The following ALDH9A1 variants were observed in gnomAD, a reference collection of about 807,000 sequenced individuals.
ALDH9A1 encodes aldehyde dehydrogenase 9 family member A1.
In ALDH9A1, 42 loss-of-function variants were observed where a neutral mutation model predicts 56.6. That is an observed-to-expected ratio of 0.74 (90% CI 0.58 to 0.96). The LOEUF (loss-of-function observed/expected upper bound fraction) is 0.96. Ranked by LOEUF, ALDH9A1 falls within the 40% of genes least tolerant of loss-of-function variation. ALDH9A1 has a pLI of 0.00. For missense variants in ALDH9A1, 661 were observed against 651.5 expected (o/e 1.01, Z -0.16); for synonymous variants, 242 against 236.0 (o/e 1.03, Z -0.23).
At chr1:165,688,058 T>A (rs946245034) in intron 2 of ALDH9A1, among the ~76,000 whole-genome samples, 1 of 151,832 alleles carries the variant, frequency 6.6e-6, no homozygotes, top group Non-Finnish European at 1.5e-5. Flanking sequence ...GGCACACACG[T>A]ACAGTCCCAG....
chr1:165,688,866 G>A (rs1264396354), intron 2 of ALDH9A1, among the ~76,000 whole-genome samples: 1 of 152,150 alleles, frequency 6.6e-6, no homozygotes, highest in East Asian at 1.9e-4. Context: ...TCAGACAAGT[G>A]TTTTTGATTA....
intron 3 of ALDH9A1, 65 bp from the exon 4 acceptor site, chr1:165,682,306 G>C: frequency 6.4e-7 from 1 of 1,555,452 alleles, no homozygotes; most frequent in Non-Finnish European, 8.8e-7. Context: ...ACCAACATCT[G>C]TACCAGTCTG....
At chr1:165,675,000 C>T (rs7525102) in intron 6 of ALDH9A1, among the ~76,000 whole-genome samples, 61,141 of 151,930 alleles carry the variant, frequency 0.4, 12,658 homozygotes, top group Middle Eastern at 0.5. Flanking sequence ...CAAGACCAGC[C>T]TGGCCAACAT....
chr1:165,670,932 G>C (rs897499516), intron 6 of ALDH9A1, among the ~76,000 whole-genome samples: 2 of 146,912 alleles, frequency 1.4e-5, no homozygotes, highest in African/African-American at 5.0e-5. Context: ...AATTGGCTGG[G>C]TGTGGTGGTG....
At chr1:165,683,960 T>A (rs997970379) in intron 2 of ALDH9A1, among the ~76,000 whole-genome samples, 3 of 152,148 alleles carry the variant, frequency 2.0e-5, no homozygotes, top group Non-Finnish European at 4.4e-5. Context: ...AGAACATACA[T>A]AAAAGATTAA....
Position 165,662,866 on chromosome 1 carries a change from G to A in ALDH9A1, c.*184C>T. On this transcript the variant is annotated 3_prime_UTR_variant, in exon 11 of 11. Transcript: ENST00000354775. ...AGCTTTCTTGATTAGTATCTACAAG[G>A]CACTTAATGCACATTTTCAGTGAGG... 1 of 594,440 alleles carries A rather than the reference G, an allele frequency of 1.7e-6. No individual in the cohort carries two copies. Among genetic ancestry groups the A allele is most frequent in the Non-Finnish European group, 3.0e-6 (1 of 331,464 alleles). The allele number at this position is 594,440 out of a possible 1,614,324, so 36.8% of individuals were successfully genotyped here.
Position 165,663,160 on chromosome 1 carries a change from G to A in ALDH9A1, c.1463-16C>T, listed in dbSNP as rs1382388575. 6.2e-7 allele frequency: 1 copy of A among 1,607,328 alleles called. No homozygotes were observed. On this transcript the variant is annotated splice_polypyrimidine_tract_variant and intron_variant, in intron 10 of 10. Coordinates refer to ENST00000354775, the MANE Select transcript of ALDH9A1 (RefSeq NM_000696.4). The stretch of plus-strand genomic sequence containing the variant: ...CTGCCAAATCCTGAAAGGAGGAGAA[G>A]GGGTCAGGTTGAGCCATCACTACAA...
intron 2 of ALDH9A1, among the ~76,000 whole-genome samples, chr1:165,688,896 C>T (rs1649796356): frequency 6.6e-6 from 1 of 152,046 alleles, no homozygotes; most frequent in Admixed American, 6.6e-5. Context: ...TAATAATAAG[C>T]AGTGGGTTTT....
intron 2 of ALDH9A1, among the ~76,000 whole-genome samples, chr1:165,693,263 T>A (rs1649953532): frequency 6.6e-6 from 1 of 152,080 alleles, no homozygotes; most frequent in Non-Finnish European, 1.5e-5. Context: ...GAAACTACCA[T>A]CAGAGTGAAC....
intron 1 of ALDH9A1, among the ~76,000 whole-genome samples, chr1:165,696,457 A>T (rs1049402315): frequency 1.6e-4 from 24 of 152,208 alleles, no homozygotes; most frequent in African/African-American, 5.8e-4. Context: ...TCTGACTGTA[A>T]ATCCCTTGTC....
chr1:165,667,369 G>T lies in ALDH9A1; in HGVS notation c.1289C>A (p.Ala430Asp), dbSNP rs1267277684. The T allele has an allele frequency of 2.5e-6, 4 of 1,614,100 alleles. 1 individual carries two copies. In the South Asian group the frequency reaches 3.3e-5, roughly 13 times the overall value. The change falls in exon 9 of 11, where the codon GCT becomes GAT. Residue 430 changes from alanine to aspartate, a missense_variant. Transcript: ENST00000354775. ...ATCATTGGCTCTTTCTAGAACCTCA[G>T]CTTCAGTGTCAAATGATAAAATGGA... ...VMSILSFDTE[A>D]EVLERANDTT...
At chr1:165,668,062 A>G (rs1649060842) in intron 8 of ALDH9A1, among the ~76,000 whole-genome samples, 1 of 152,224 alleles carries the variant, frequency 6.6e-6, no homozygotes, top group African/African-American at 2.4e-5. Flanking sequence ...TAGGATGCCC[A>G]TATACACCTT....
In ALDH9A1 at chr1:165,682,258, A is replaced by G; in HGVS notation, c.458-17T>C. The G allele has an allele frequency of 6.2e-7, 1 of 1,611,922 alleles. No individual in the cohort carries two copies. The highest frequency in any genetic ancestry group is 1.1e-5 in the South Asian group (1 of 90,958). ...TGTGTTCACCTATGGGGAAAACAGG[A>G]GTAAAGGAGGATGCAGGTCTGTGCT... On this transcript the variant is annotated splice_polypyrimidine_tract_variant and intron_variant, in intron 3 of 10. Coordinates refer to ENST00000354775, the MANE Select transcript of ALDH9A1 (RefSeq NM_000696.4).
chr1:165,681,073 C>T (rs1649538166), intron 4 of ALDH9A1, among the ~76,000 whole-genome samples: 1 of 152,148 alleles, frequency 6.6e-6, no homozygotes, highest in Admixed American at 6.6e-5. Flanking sequence ...AAAGACCAGC[C>T]CCCATGATTC....
intron 9 of ALDH9A1, 74 bp downstream of exon 9, chr1:165,667,235 G>C (rs1026690777): frequency 6.4e-7 from 1 of 1,572,486 alleles, no homozygotes; most frequent in African/African-American, 1.4e-5. Flanking sequence ...GAGAGAATAG[G>C]ATCAATTAAA....
intron 6 of ALDH9A1, chr1:165,671,379 G>C (rs551531208): frequency 4.4e-6 from 2 of 453,328 alleles, no homozygotes; most frequent in Non-Finnish European, 8.8e-6. Flanking sequence ...CGACATGAAG[G>C]AGCAGATTTA....
chr1:165,682,018 T>C, intron 4 of ALDH9A1, 89 bp downstream of exon 4: 1 of 1,523,238 alleles, frequency 6.6e-7, no homozygotes, highest in Non-Finnish European at 9.0e-7. Flanking sequence ...AAGTGTGTGT[T>C]TATAGAGAGG....
intron 2 of ALDH9A1, among the ~76,000 whole-genome samples, chr1:165,686,926 A>G (rs148903270): frequency 5.4e-4 from 82 of 152,296 alleles, no homozygotes; most frequent in African/African-American, 1.7e-3. Flanking sequence ...AGACAAGAAC[A>G]TTAAGTTATG....
intron 8 of ALDH9A1, 102 bp from the exon 9 acceptor site, chr1:165,667,552 T>C: frequency 1.5e-6 from 2 of 1,334,970 alleles, no homozygotes; most frequent in Non-Finnish European, 1.0e-6. Flanking sequence ...TGTTGCCCAG[T>C]CTGGTCTCAA....
Sources: gnomAD v4.1 joint callset for allele counts (sites outside exome capture counted in the v4.1 genomes callset) on GRCh38, gnomAD v4.1.1 for gene constraint, MANE v1.5 for transcripts, NCBI Gene and HGNC (gene_info 2026-07-23, HGNC 2026-07-21) for gene names.